Variants in PTPRR observed in about 807,000 individuals in gnomAD.
PTPRR encodes the protein protein tyrosine phosphatase receptor type R.
Under a neutral mutation model 77.2 loss-of-function variants are expected in PTPRR, and 38 were observed. The observed-to-expected ratio is 0.49, with a 90% CI of 0.38 to 0.65. The LOEUF is 0.65. Among genes scored for constraint, PTPRR ranks in the 30% least tolerant of loss-of-function variants. PTPRR has a pLI of 0.00. For missense variants in PTPRR, 744 were observed against 799.2 expected (o/e 0.93, Z 0.83); for synonymous variants, 299 against 283.1 (o/e 1.06, Z -0.57).
intron 10 of PTPRR, among the ~76,000 whole-genome samples, chr12:70,670,548 A>T (rs1272349669): frequency 6.6e-6 from 1 of 152,244 alleles, no homozygotes; most frequent in Non-Finnish European, 1.5e-5. Flanking sequence ...ATGATCAATA[A>T]ATGGTAGTGG....
chr12:70,754,566 C>T (rs536341563), intron 4 of PTPRR: 7 of 1,596,502 alleles, frequency 4.4e-6, no homozygotes, highest in East Asian at 2.2e-5. Context: ...CATCCCTCAG[C>T]GTCTCTCTTG....
intron 2 of PTPRR, among the ~76,000 whole-genome samples, chr12:70,804,139 CTGTGTGTG>C (rs58442488): frequency 0.012 from 1,641 of 137,326 alleles, 39 homozygotes; most frequent in African/African-American, 0.04. Flanking sequence ...GTTCCTGGCT[CTGTGTGTG>C]TGTGTGTGTG....
intron 10 of PTPRR, chr12:70,672,564 T>A: frequency 2.9e-6 from 4 of 1,369,738 alleles, no homozygotes; most frequent in Non-Finnish European, 4.1e-6. Flanking sequence ...CCTTCTACCC[T>A]CTGGGCCTTG....
intron 2 of PTPRR, among the ~76,000 whole-genome samples, chr12:70,774,845 T>C (rs1320450562): frequency 6.6e-6 from 1 of 152,226 alleles, no homozygotes; most frequent in Non-Finnish European, 1.5e-5. Context: ...TTAGAAGATA[T>C]ATGCTACCTC....
intron 2 of PTPRR, among the ~76,000 whole-genome samples, chr12:70,839,011 A>G (rs1892350734): frequency 6.6e-6 from 1 of 152,142 alleles, no homozygotes; most frequent in Non-Finnish European, 1.5e-5. Flanking sequence ...GGCTAATGAG[A>G]TGTTTACTGA....
At chr12:70,728,181 C>T (rs1425502604) in intron 6 of PTPRR, among the ~76,000 whole-genome samples, 1 of 146,708 alleles carries the variant, frequency 6.8e-6, no homozygotes, top group Non-Finnish European at 1.5e-5. Context: ...TGCTTGGGAC[C>T]AGAAGTGTTT....
At chr12:70,655,219 A>T (rs540868953) in intron 13 of PTPRR, among the ~76,000 whole-genome samples, 1 of 152,350 alleles carries the variant, frequency 6.6e-6, no homozygotes. Flanking sequence ...GATGGCTACT[A>T]TCAAAAAAAG....
intron 13 of PTPRR, among the ~76,000 whole-genome samples, chr12:70,640,778 T>G (rs1027195894): frequency 2.0e-5 from 3 of 152,238 alleles, no homozygotes; most frequent in African/African-American, 7.2e-5. Flanking sequence ...TGGGCTTCTA[T>G]GTTTATTTGT....
rs1891846663 is a variant in PTPRR, at chr12:70,813,520, A to G, written c.358-48742T>C. ...GTTTCTTGAAATGTGAGAAGTTAGGAATTCCACTTGCAGGTGTCAAAGAGT... is the reference window on the plus strand; with the variant it reads ...GTTTCTTGAAATGTGAGAAGTTAGGGATTCCACTTGCAGGTGTCAAAGAGT... On this transcript the variant is annotated intron_variant, in intron 2 of 13. Transcript: ENST00000283228. Among the ~76,000 whole-genome samples, 2 of 152,230 alleles carry G rather than the reference A, an allele frequency of 1.3e-5. 1 individual carries two copies. The highest frequency in any genetic ancestry group is 4.1e-4 in the South Asian group (2 of 4,834).
chr12:70,834,816 C>G (rs1180057142), intron 2 of PTPRR, among the ~76,000 whole-genome samples: 2 of 152,044 alleles, frequency 1.3e-5, no homozygotes, highest in Non-Finnish European at 2.9e-5. Flanking sequence ...ATAAGGCATC[C>G]TGATCATTTG....
At chr12:70,886,921 A>G (rs1893249644) in intron 2 of PTPRR, among the ~76,000 whole-genome samples, 1 of 152,232 alleles carries the variant, frequency 6.6e-6, no homozygotes, top group Non-Finnish European at 1.5e-5. Flanking sequence ...AGAAAGAGAC[A>G]TAAAAGATAT....
chr12:70,707,182 A>G (rs536577967), intron 6 of PTPRR, among the ~76,000 whole-genome samples: 45 of 152,132 alleles, frequency 3.0e-4, no homozygotes, highest in Non-Finnish European at 5.7e-4. Flanking sequence ...TAATGTCTTT[A>G]AAGTTAACAA....
chr12:70,833,323 G>A lies in PTPRR; in HGVS notation c.357+59356C>T, dbSNP rs919662478. 1.2e-4 allele frequency among the ~76,000 whole-genome samples: 18 copies of A among 152,266 alleles called. 1 individual carries two copies. The highest frequency in any genetic ancestry group is 4.3e-4 in the African/African-American group (18 of 41,570). ...AGGTGGGTCTTGGCTCCTGTCATTTGTTGAGACTATAACAAGAGGGGCAGG... is the reference window on the plus strand; with the variant it reads ...AGGTGGGTCTTGGCTCCTGTCATTTATTGAGACTATAACAAGAGGGGCAGG... On this transcript the variant is annotated intron_variant, in intron 2 of 13. Transcript: ENST00000283228.
chr12:70,776,018 A>T (rs760041286), intron 2 of PTPRR, among the ~76,000 whole-genome samples: 1 of 151,938 alleles, frequency 6.6e-6, no homozygotes, highest in Non-Finnish European at 1.5e-5. Flanking sequence ...TATATTACAC[A>T]TTTCCACCTT....
At chr12:70,899,913 A>T (rs185793809) in intron 1 of PTPRR, among the ~76,000 whole-genome samples, 240 of 151,642 alleles carry the variant, frequency 1.6e-3, no homozygotes, top group African/African-American at 5.5e-3. Context: ...TGAAAACTAG[A>T]AGTAAAAAAA....
chr12:70,900,742 C>T (rs1459261787), intron 1 of PTPRR, among the ~76,000 whole-genome samples: 4 of 151,532 alleles, frequency 2.6e-5, no homozygotes, highest in Non-Finnish European at 5.9e-5. Context: ...GAAAAGACGA[C>T]TTACAAATTT....
intron 2 of PTPRR, among the ~76,000 whole-genome samples, chr12:70,847,497 T>C (rs977093810): frequency 4.6e-5 from 7 of 152,142 alleles, no homozygotes; most frequent in Admixed American, 1.3e-4. Context: ...TCTCAAAATA[T>C]GAGGTTTTGG....
At chr12:70,748,006 G>A (rs1471794416) in intron 5 of PTPRR, among the ~76,000 whole-genome samples, 1 of 152,120 alleles carries the variant, frequency 6.6e-6, no homozygotes, top group African/African-American at 2.4e-5. Flanking sequence ...GGGTGTGGGG[G>A]AAGGAGAAGG....
chr12:70,849,616 T>C (rs982817705), intron 2 of PTPRR, among the ~76,000 whole-genome samples: 10 of 152,224 alleles, frequency 6.6e-5, no homozygotes, highest in Admixed American at 1.3e-4. Flanking sequence ...ATTTACAACA[T>C]ATTTTGACAT....
Sources: allele counts gnomAD v4.1 joint callset (sites outside exome capture counted in the v4.1 genomes callset), GRCh38; gene constraint gnomAD v4.1.1; transcripts MANE v1.5; gene names NCBI Gene and HGNC (gene_info 2026-07-23, HGNC 2026-07-21).